ABCC5: variants seen among roughly 807,000 people sequenced by gnomAD.
ABCC5 encodes the protein ATP binding cassette subfamily C member 5, also known as ATP-binding cassette sub-family C member 5.
A neutral mutation model predicts 160.9 loss-of-function variants in ABCC5; 61 were observed. That is an observed-to-expected ratio of 0.38 (90% CI 0.31 to 0.47). The LOEUF is 0.47. Ranked by LOEUF, ABCC5 falls within the 20% of genes least tolerant of loss-of-function variation. The pLI, the probability that ABCC5 is intolerant of heterozygous loss-of-function variation, is 0.99. For synonymous variants in ABCC5, 666 were observed against 700.6 expected, an observed-to-expected ratio of 0.95 and a Z score of 0.78; for missense variants, 1,308 against 1,813.3, an observed-to-expected ratio of 0.72 and a Z score of 5.06.
At position 183,949,158 on chromosome 3, in the gene ABCC5, T is replaced by C. The variant is rs894822528; in HGVS notation, c.3227+595A>G. Reference sequence around the variant, plus strand: ...TCCCTCATTCTTTTTAAGGGCCACATAGTACTCTATGGATATACCATAGCT... The same window carrying C: ...TCCCTCATTCTTTTTAAGGGCCACACAGTACTCTATGGATATACCATAGCT... On this transcript the variant is annotated intron_variant, in intron 22 of 29. Transcript: ENST00000334444. This position sits in a 1 kb window ranked among gnomAD's most constrained non-coding sequence, Gnocchi z 4.2. Among the ~76,000 whole-genome samples, 3 of 152,222 alleles carry C rather than the reference T, an allele frequency of 2.0e-5. No individual in the cohort carries two copies. Among genetic ancestry groups the C allele is most frequent in the Admixed American group, 1.3e-4 (2 of 15,276 alleles).
chr3:183,935,944 G>T (rs1462514917), intron 26 of ABCC5, among the ~76,000 whole-genome samples: 1 of 152,176 alleles, frequency 6.6e-6, no homozygotes. Context: ...ATACTCTAGG[G>T]TGTTGACACT....
At chr3:183,971,510 A>C (rs1717741023) in intron 11 of ABCC5, 53 bp downstream of exon 11, 1 of 1,532,216 alleles carries the variant, frequency 6.5e-7, no homozygotes, top group African/African-American at 1.4e-5. Flanking sequence ...TTGGTGGCAG[A>C]TCAGCATGGG....
At chr3:183,998,827 C>T (rs764866627) in intron 2 of ABCC5, among the ~76,000 whole-genome samples, 1 of 152,122 alleles carries the variant, frequency 6.6e-6, no homozygotes, top group Admixed American at 6.5e-5. Flanking sequence ...TAGTGGCTCA[C>T]GCCTGTAATC....
At chr3:183,945,464 T>C (rs576021668) in intron 24 of ABCC5, among the ~76,000 whole-genome samples, 314 of 152,292 alleles carry the variant, frequency 2.1e-3, no homozygotes, top group Non-Finnish European at 3.5e-3. Flanking sequence ...GAGGCCACGT[T>C]TGTCCTGCCA....
In ABCC5 at chr3:183,949,873, A is replaced by G; in HGVS notation, c.3107T>C (p.Ile1036Thr). ...SVLHIVSRVL[I>T]RELKRLDNIT... is the part of the protein sequence containing the mutation. ...ATTGTCCAGACGCTTCAGCTCCCGA[A>G]TCAGGACCCTGGAGAGAGAATGAGC... The change falls in exon 22 of 30, where the codon ATT becomes ACT. Residue 1036 changes from isoleucine (I) to threonine (T), a missense_variant. Transcript: ENST00000334444. The surrounding 1 kb of genome is among the most constrained non-coding windows in gnomAD (Gnocchi z 4.2). The G allele has an allele frequency of 6.2e-7, 1 of 1,614,196 alleles. No individual in the cohort carries two copies. Among genetic ancestry groups the G allele is most frequent in the Non-Finnish European group, 8.5e-7 (1 of 1,180,036 alleles).
intron 2 of ABCC5, among the ~76,000 whole-genome samples, chr3:183,992,784 G>A (rs895939029): frequency 6.6e-5 from 10 of 151,030 alleles, no homozygotes; most frequent in African/African-American, 2.2e-4. Flanking sequence ...GCGAGACTCC[G>A]TCTCAAAAAA....
chr3:183,989,501 A>C lies in ABCC5; in HGVS notation c.130-118T>G. On this transcript the variant is annotated intron_variant, in intron 2 of 29. Coordinates refer to ENST00000334444, the MANE Select transcript of ABCC5 (RefSeq NM_005688.4). Reference sequence around the variant, plus strand: ...GACTCATCTTAACTGAGAAATTCCAAGCAAGGGTCAGGAGGTTAAACACTA... The same window carrying C: ...GACTCATCTTAACTGAGAAATTCCACGCAAGGGTCAGGAGGTTAAACACTA... 2.8e-6 allele frequency: 3 copies of C among 1,053,570 alleles called. No individual in the cohort carries two copies. The South Asian group carries it at 4.9e-5, about 17-fold the overall frequency. 65.3% of individuals were successfully genotyped at this position (1,053,570 alleles called of 1,614,324 possible).
At chr3:183,943,444 T>A (rs542959843) in intron 24 of ABCC5, among the ~76,000 whole-genome samples, 1 of 152,344 alleles carries the variant, frequency 6.6e-6, no homozygotes, top group Non-Finnish European at 1.5e-5. Flanking sequence ...CCTGGACAGA[T>A]CACCACTTCT....
chr3:184,005,004 C>A (rs1026452484), intron 2 of ABCC5, among the ~76,000 whole-genome samples: 14 of 152,154 alleles, frequency 9.2e-5, no homozygotes, highest in Non-Finnish European at 1.9e-4. Flanking sequence ...AGTGTCGTGG[C>A]GTCTCCTGGG....
intron 10 of ABCC5, among the ~76,000 whole-genome samples, chr3:183,973,974 C>T (rs920835563): frequency 6.6e-6 from 1 of 152,188 alleles, no homozygotes; most frequent in Admixed American, 6.5e-5. Flanking sequence ...TCCTACTCCC[C>T]GCAGCCTTAC....
chr3:183,969,307 T>G (rs1717519662), intron 11 of ABCC5, among the ~76,000 whole-genome samples: 1 of 152,184 alleles, frequency 6.6e-6, no homozygotes, highest in Non-Finnish European at 1.5e-5. Flanking sequence ...GCTGCACGTG[T>G]GGAATCATTT....
chr3:183,966,643 T>C (rs377343125), intron 12 of ABCC5, among the ~76,000 whole-genome samples: 1 of 152,158 alleles, frequency 6.6e-6, no homozygotes, highest in Non-Finnish European at 1.5e-5. Context: ...CCAAATCTGG[T>C]TGGTCATCAT....
At chr3:183,958,890 T>C (rs1716476940) in intron 17 of ABCC5, among the ~76,000 whole-genome samples, 1 of 152,176 alleles carries the variant, frequency 6.6e-6, no homozygotes, top group East Asian at 1.9e-4. Flanking sequence ...ATAAGCCACC[T>C]GTGCCTGACC....
chr3:183,990,831 T>TG (rs1443018176), intron 2 of ABCC5, among the ~76,000 whole-genome samples: 1 of 152,130 alleles, frequency 6.6e-6, no homozygotes, highest in African/African-American at 2.4e-5. Context: ...CAGAAGAGGG[T>TG]GGGTCAAGAA....
intron 26 of ABCC5, among the ~76,000 whole-genome samples, chr3:183,936,664 C>T (rs965894915): frequency 3.9e-5 from 6 of 152,118 alleles, no homozygotes; most frequent in Non-Finnish European, 8.8e-5. Flanking sequence ...CCCACCACCA[C>T]GCCCGGCTAA....
Position 183,982,627 on chromosome 3 carries a change from A to AT in ABCC5, c.826-4dup, listed in dbSNP as rs1718845824. The AT allele has an allele frequency of 6.2e-7, 1 of 1,614,032 alleles. No homozygotes were observed. The highest frequency in any genetic ancestry group is 1.7e-5 in the Admixed American group (1 of 60,002). ...TCGTTGGAGCAAATGTTGATGAGCT[A>AT]TAAGATACAAAGAGTAGTGAGGGGA... On this transcript the variant is annotated splice_polypyrimidine_tract_variant and splice_region_variant and intron_variant, in intron 6 of 29. Transcript: ENST00000334444. The surrounding 1 kb of genome is among the most constrained non-coding windows in gnomAD (Gnocchi z 5.2).
At chr3:183,972,422 C>A (rs1056111956) in intron 10 of ABCC5, among the ~76,000 whole-genome samples, 1 of 152,134 alleles carries the variant, frequency 6.6e-6, no homozygotes, top group African/African-American at 2.4e-5. Context: ...ACATTGCTAC[C>A]GTCAGAAAAG....
intron 2 of ABCC5, among the ~76,000 whole-genome samples, chr3:184,002,827 G>A (rs773064601): frequency 2.0e-5 from 3 of 152,162 alleles, no homozygotes; most frequent in Non-Finnish European, 4.4e-5. Flanking sequence ...AATAAGCCTC[G>A]GGCTGAGGAT....
intron 5 of ABCC5, chr3:183,985,218 T>A: frequency 1.6e-6 from 2 of 1,239,030 alleles, no homozygotes; most frequent in Non-Finnish European, 2.3e-6. Flanking sequence ...ATCATTTAAA[T>A]CTAAACAAAC....
Sources: gnomAD v4.1 joint callset for allele counts (sites outside exome capture counted in the v4.1 genomes callset) on GRCh38, gnomAD v4.1.1 for gene constraint, Gnocchi (gnomAD v3.1) non-coding constraint, MANE v1.5 for transcripts, NCBI Gene and HGNC (gene_info 2026-07-23, HGNC 2026-07-21) for gene names.